Variants in TKTL2 observed in about 807,000 individuals in gnomAD.
The protein encoded by TKTL2 is transketolase like 2.
For synonymous variants in TKTL2, 259 were observed against 294.1 expected (o/e 0.88, Z 1.22); for missense variants, 825 against 799.4 (o/e 1.03, Z -0.39).
At position 163,473,469 on chromosome 4, in the gene TKTL2, T is replaced by G. The variant is rs1006255491; in HGVS notation, c.266A>C (p.Glu89Ala). 1 of 1,613,802 alleles carries G rather than the reference T, an allele frequency of 6.2e-7. No homozygotes were observed. Among genetic ancestry groups the G allele is most frequent in the Non-Finnish European group, 8.5e-7 (1 of 1,180,028 alleles). The change falls in exon 1 of 1, where the codon GAG becomes GCG. Residue 89 changes from glutamate (E) to alanine (A), a missense_variant. Coordinates refer to ENST00000280605, the MANE Select transcript of TKTL2 (RefSeq NM_032136.5). ...GTCAGATTCACTGATGTCACCCACC[T>G]CCACCCAAGCAGCATAGAGGATAGG... ...AAPILYAAWV[E>A]VGDISESDLL...
rs1737168948 is a variant in TKTL2 at position 163,471,802 on chromosome 4, A to C, written c.*52T>G. Reference sequence around the variant, plus strand: ...AACATGAATTTAATACAAAGATACCAGTGCTTTTGGGCCAAAGCCAATAGA... The same window carrying C: ...AACATGAATTTAATACAAAGATACCCGTGCTTTTGGGCCAAAGCCAATAGA... On this transcript the variant is annotated 3_prime_UTR_variant, in exon 1 of 1. Transcript: ENST00000280605. 2.2e-6 allele frequency: 3 copies of C among 1,371,094 alleles called. No homozygotes were observed. The highest frequency in any genetic ancestry group is 3.0e-6 in the Non-Finnish European group (3 of 1,014,320). The allele number at this position is 1,371,094 out of a possible 1,614,324, so 84.9% of individuals were successfully genotyped here.
In TKTL2 at chr4:163,473,417, G is replaced by C. The variant is rs376513845; in HGVS notation, c.318C>G (p.Ser106Arg). 4 of 1,613,810 alleles carry C rather than the reference G, an allele frequency of 2.5e-6. No homozygotes were observed. The highest frequency in any genetic ancestry group is 2.2e-5 in the South Asian group (2 of 91,070). The change falls in exon 1 of 1, where the codon AGC becomes AGG. Residue 106 changes from serine (S) to arginine (R), a missense_variant. Coordinates refer to ENST00000280605, the MANE Select transcript of TKTL2 (RefSeq NM_032136.5). ...GGGGGGTAGGGTGTCTCTCCAAGTCGCTGTGAAGTTTCCTCAGGTTCAGCA... is the reference window on the plus strand; with the variant it reads ...GGGGGGTAGGGTGTCTCTCCAAGTCCCTGTGAAGTTTCCTCAGGTTCAGCA... ...SDLLNLRKLH[S>R]DLERHPTPRL...
rs1420918517 is a variant in TKTL2, at chr4:163,473,011, T to C, written c.724A>G (p.Ile242Val). The C allele has an allele frequency of 3.1e-6, 5 of 1,614,224 alleles. No homozygotes were observed. The highest frequency in any genetic ancestry group is 1.6e-4 in the Middle Eastern group (1 of 6,062). ...ASQVKNKPTA[I>V]VAKTFKGRGI... is the part of the protein sequence containing the mutation. ...CGACCTTTGAAGGTCTTGGCAACTA[T>C]AGCAGTAGGCTTGTTCTTCACTTGA... The change falls in exon 1 of 1, where the codon ATA (isoleucine) becomes GTA (valine). Residue 242 changes from isoleucine to valine, a missense_variant. Ile to Val is a conservative substitution (Grantham distance 29). Coordinates refer to ENST00000280605, the MANE Select transcript of TKTL2 (RefSeq NM_032136.5).
Position 163,472,805 on chromosome 4 carries a change from TG to T in TKTL2, c.929del (p.Pro310HisfsTer10). The T allele has an allele frequency of 6.4e-7, 1 of 1,565,362 alleles. No homozygotes were observed. Among genetic ancestry groups the T allele is most frequent in the Non-Finnish European group, 8.6e-7 (1 of 1,158,142 alleles). ...ISITDIKMTS[P>X]PAYKVGDKIA... is the part of the protein sequence containing the mutation. ...TCTTGTCACCAACTTTGTAAGCAGG[TG>T]GGGAGGTCATTTTTATATCTGTGAT... On this transcript the variant is annotated frameshift_variant, in exon 1 of 1. Transcript: ENST00000280605. LOFTEE classifies it low-confidence loss of function (END_TRUNC).
rs900910659 is a variant in TKTL2, at chr4:163,472,459, C to T, written c.1276G>A (p.Gly426Arg). ...LIGSHCGVSTGEDGVSQMALE... is the reference protein window; with the variant it reads ...LIGSHCGVSTREDGVSQMALE... ...GCCATCTGGGAGACTCCATCTTCTC[C>T]AGTGGATACCCCACAGTGGGAACCA... Residue 426 changes from glycine (G) to arginine (R), a missense_variant, in exon 1 of 1, where the codon GGA becomes AGA. By Grantham distance (125) the Gly-to-Arg change is moderately radical. Coordinates refer to ENST00000280605, the MANE Select transcript of TKTL2 (RefSeq NM_032136.5). 1 of 1,614,172 alleles carries T rather than the reference C, an allele frequency of 6.2e-7. No individual in the cohort carries two copies. Among genetic ancestry groups the T allele is most frequent in the Non-Finnish European group, 8.5e-7 (1 of 1,180,032 alleles).
chr4:163,473,120 A>G lies in TKTL2; in HGVS notation c.615T>C (p.Asn205=). The change falls in exon 1 of 1, where the codon AAT becomes AAC. Residue 205 remains asparagine, a synonymous_variant. Coordinates refer to ENST00000280605, the MANE Select transcript of TKTL2 (RefSeq NM_032136.5). ...PLEHGADIYQ[N]CCEAFGWNTY... ...TATTCCATCCAAAGGCTTCACAGCA[A>G]TTCTGGTAGATGTCTGCGCCATGCT... 1.2e-6 allele frequency: 2 copies of G among 1,614,068 alleles called. No homozygotes were observed. The highest frequency in any genetic ancestry group is 1.7e-6 in the Non-Finnish European group (2 of 1,180,040).
Position 163,472,421 on chromosome 4 carries a change from T to C in TKTL2, c.1314A>G (p.Leu438=). Residue 438 remains leucine, a synonymous_variant, in exon 1 of 1, where the codon CTA becomes CTG. Transcript: ENST00000280605. ...AATTGGGAATGCTTCGGAACATGGCTAGATCCTCCAGGGCCATCTGGGAGA... is the reference window on the plus strand; with the variant it reads ...AATTGGGAATGCTTCGGAACATGGCCAGATCCTCCAGGGCCATCTGGGAGA... ...DGVSQMALED[L]AMFRSIPNCT... The C allele has an allele frequency of 6.2e-7, 1 of 1,613,516 alleles. No individual in the cohort carries two copies. The highest frequency in any genetic ancestry group is 8.5e-7 in the Non-Finnish European group (1 of 1,179,686).
Position 163,472,531 on chromosome 4 carries a change from C to A in TKTL2, c.1204G>T (p.Asp402Tyr), listed in dbSNP as rs752918470. The stretch of plus-strand genomic sequence containing the variant: ...GAAATGGCTCCCATTCGGAGCTGAT[C>A]GAATGCTCTAGTAAAAAAGGCAGCA... ...AFAAFFTRAF[D>Y]QLRMGAISQA... Residue 402 changes from aspartate to tyrosine, a missense_variant, in exon 1 of 1, where the codon GAT becomes TAT. Transcript: ENST00000280605. The A allele has an allele frequency of 2.5e-6, 4 of 1,614,084 alleles. No individual in the cohort carries two copies. Among genetic ancestry groups the A allele is most frequent in the African/African-American group, 1.3e-5 (1 of 75,014 alleles).
In TKTL2 at chr4:163,471,826, G is replaced by T; in HGVS notation, c.*28C>A. Reference sequence around the variant, plus strand: ...CAGTGCTTTTGGGCCAAAGCCAATAGACTTGACTTTTTAGAAATAAGCCTA... The same window carrying T: ...CAGTGCTTTTGGGCCAAAGCCAATATACTTGACTTTTTAGAAATAAGCCTA... On this transcript the variant is annotated 3_prime_UTR_variant, in exon 1 of 1. Transcript: ENST00000280605. The T allele has an allele frequency of 1.3e-6, 2 of 1,489,916 alleles. No individual in the cohort carries two copies. Among genetic ancestry groups the T allele is most frequent in the South Asian group, 2.8e-5 (2 of 70,230 alleles). 92.3% of individuals were successfully genotyped at this position (1,489,916 alleles called of 1,614,324 possible).
In TKTL2 at chr4:163,473,400, G is replaced by C; in HGVS notation, c.335C>G (p.Pro112Arg). Residue 112 changes from proline to arginine, a missense_variant, in exon 1 of 1, where the codon CCT (proline) becomes CGT (arginine). By Grantham distance (103) the Pro-to-Arg change is moderately radical. Transcript: ENST00000280605. ...GTCAACAAACGGCAATCGGGGGGTA[G>C]GGTGTCTCTCCAAGTCGCTGTGAAG... Reference protein sequence around the residue: ...RKLHSDLERHPTPRLPFVDVA... With the variant: ...RKLHSDLERHRTPRLPFVDVA... 6.2e-7 allele frequency: 1 copy of C among 1,613,886 alleles called. No homozygotes were observed. Among genetic ancestry groups the C allele is most frequent in the Non-Finnish European group, 8.5e-7 (1 of 1,179,964 alleles).
chr4:163,472,231 C>A lies in TKTL2; in HGVS notation c.1504G>T (p.Gly502Cys), dbSNP rs538337426. Residue 502 changes from glycine to cysteine, a missense_variant, in exon 1 of 1, where the codon GGT becomes TGT. Coordinates refer to ENST00000280605, the MANE Select transcript of TKTL2 (RefSeq NM_032136.5). ...EIGQAKVVRH[G>C]VNDKVTVIGA... ...ATTACTGTGACTTTATCATTGACAC[C>A]GTGGCGGACCACCTTGGCCTGGCCA... 2.5e-6 allele frequency: 4 copies of A among 1,614,046 alleles called. No individual in the cohort carries two copies. The highest frequency in any genetic ancestry group is 2.2e-5 in the South Asian group (2 of 91,056).
Position 163,472,694 on chromosome 4 carries a change from C to T in TKTL2, c.1041G>A (p.Met347Ile), listed in dbSNP as rs1171817065. Residue 347 changes from methionine to isoleucine, a missense_variant, in exon 1 of 1, where the codon ATG becomes ATA. Physicochemically the swap from Met to Ile is conservative, Grantham distance 10. Coordinates refer to ENST00000280605, the MANE Select transcript of TKTL2 (RefSeq NM_032136.5). The stretch of plus-strand genomic sequence containing the variant: ...TGAATATCTCAGAAAAGGTGGAGTT[C>T]ATCGTGTCACCACTCAGAACAATAA... Reference protein sequence around the residue: ...ERVIVLSGDTMNSTFSEIFRK... With the variant: ...ERVIVLSGDTINSTFSEIFRK... The T allele has an allele frequency of 1.9e-6, 3 of 1,613,952 alleles. No individual in the cohort carries two copies. The Admixed American group carries it at 5.0e-5, about 27-fold the overall frequency.
chr4:163,472,240 C>G lies in TKTL2; in HGVS notation c.1495G>C (p.Val499Leu), dbSNP rs1382695920. Residue 499 changes from valine to leucine, a missense_variant, in exon 1 of 1, where the codon GTC (valine) becomes CTC (leucine). By Grantham distance (32) the Val-to-Leu change is conservative. Coordinates refer to ENST00000280605, the MANE Select transcript of TKTL2 (RefSeq NM_032136.5). The part of the protein sequence containing the change: ...ENFEIGQAKV[V>L]RHGVNDKVTV... ...ACTTTATCATTGACACCGTGGCGGA[C>G]CACCTTGGCCTGGCCAATCTCAAAA... The G allele has an allele frequency of 1.9e-6, 3 of 1,613,468 alleles. No homozygotes were observed. Among genetic ancestry groups the G allele is most frequent in the Non-Finnish European group, 2.5e-6 (3 of 1,179,644 alleles).
rs774381017 is a variant in TKTL2, at chr4:163,473,374, C to G, written c.361G>C (p.Val121Leu). The change falls in exon 1 of 1, where the codon GTG becomes CTG. Residue 121 changes from valine to leucine, a missense_variant. Coordinates refer to ENST00000280605, the MANE Select transcript of TKTL2 (RefSeq NM_032136.5). ...HPTPRLPFVD[V>L]ATGSLGQGLG... is the part of the protein sequence containing the mutation. The stretch of plus-strand genomic sequence containing the variant: ...CCCTGACCTAGGGACCCTGTTGCCA[C>G]GTCAACAAACGGCAATCGGGGGGTA... The G allele has an allele frequency of 6.2e-7, 1 of 1,613,922 alleles. No individual in the cohort carries two copies. Among genetic ancestry groups the G allele is most frequent in the Non-Finnish European group, 8.5e-7 (1 of 1,179,972 alleles).
Position 163,473,565 on chromosome 4 carries a change from A to G in TKTL2, c.170T>C (p.Met57Thr), listed in dbSNP as rs768404385. ...TTCTGGGTCTGTCTGTTTATACTTC[A>G]TCGTGTGGAAGAAGAGGACAGACAC... ...EVVSVLFFHT[M>T]KYKQTDPEHP... Residue 57 changes from methionine (M) to threonine (T), a missense_variant, in exon 1 of 1, where the codon ATG (methionine) becomes ACG (threonine). Transcript: ENST00000280605. 2.5e-6 allele frequency: 4 copies of G among 1,614,052 alleles called. No individual in the cohort carries two copies. In the South Asian group the frequency reaches 3.3e-5, roughly 13 times the overall value.
chr4:163,472,541 A>G lies in TKTL2; in HGVS notation c.1194T>C (p.Thr398=), dbSNP rs34977388. 3,474 of 1,614,182 alleles carry G rather than the reference A, an allele frequency of 2.2e-3. 58 individuals carry two copies. In the African/African-American group the frequency reaches 0.036, roughly 17 times the overall value. The part of the protein sequence containing the change: ...AFAGAFAAFF[T]RAFDQLRMGA... The stretch of plus-strand genomic sequence containing the variant: ...CCATTCGGAGCTGATCGAATGCTCT[A>G]GTAAAAAAGGCAGCAAAAGCACCAG... Residue 398 remains threonine, a synonymous_variant, in exon 1 of 1, where the codon ACT becomes ACC. Coordinates refer to ENST00000280605, the MANE Select transcript of TKTL2 (RefSeq NM_032136.5).
At position 163,473,178 on chromosome 4, in the gene TKTL2, T is replaced by C. The variant is rs771194630; in HGVS notation, c.557A>G (p.Asn186Ser). 3.1e-6 allele frequency: 5 copies of C among 1,613,530 alleles called. No homozygotes were observed. The highest frequency in any genetic ancestry group is 1.7e-6 in the Non-Finnish European group (2 of 1,179,952). ...LDNLVAVFDV[N>S]RLGQSGPAPL... ...TGCAGGGCCACTTTGTCCCAAGCGG[T>C]TCACGTCGAAGACCGCCACGAGATT... Residue 186 changes from asparagine (N) to serine (S), a missense_variant, in exon 1 of 1, where the codon AAC (asparagine) becomes AGC (serine). Asn to Ser is a conservative substitution (Grantham distance 46). Coordinates refer to ENST00000280605, the MANE Select transcript of TKTL2 (RefSeq NM_032136.5).
chr4:163,471,665 CA>C lies in TKTL2; in HGVS notation c.*188del, dbSNP rs1380809378. On this transcript the variant is annotated 3_prime_UTR_variant, in exon 1 of 1. Transcript: ENST00000280605. ...AGAGTAACATTTATACATAGATTAA[CA>C]GAAAGGTAAACTTTAATTTCCAAAT... 1 of 428,956 alleles carries C rather than the reference CA, an allele frequency of 2.3e-6. No homozygotes were observed. 26.6% of individuals were successfully genotyped at this position (428,956 alleles called of 1,614,324 possible). A position where few individuals can be genotyped will look rare whatever the true frequency, so the allele number is the denominator to read the frequency against.
rs1354473351 is a variant in TKTL2, at chr4:163,472,265, AT to A, written c.1469del (p.Asn490IlefsTer20). 1 of 1,611,920 alleles carries A rather than the reference AT, an allele frequency of 6.2e-7. No homozygotes were observed. The highest frequency in any genetic ancestry group is 8.5e-7 in the Non-Finnish European group (1 of 1,178,922). On this transcript the variant is annotated frameshift_variant, in exon 1 of 1. Transcript: ENST00000280605. LOFTEE classifies it low-confidence loss of function (END_TRUNC). ...ETAVIYTPQENFEIGQAKVVR... is the reference protein window; with the variant it reads ...ETAVIYTPQEXFEIGQAKVVR... ...CCACCTTGGCCTGGCCAATCTCAAA[AT>A]TTTCTTGTGGGGTATAAATAACTGC...
Sources: allele counts gnomAD v4.1 joint callset, GRCh38; gene constraint gnomAD v4.1.1; transcripts MANE v1.5; gene names NCBI Gene and HGNC (gene_info 2026-07-23, HGNC 2026-07-21).